The following SYNE1 variants were observed in gnomAD, a reference collection of about 807,000 sequenced individuals.
SYNE1 encodes nesprin-1.
A neutral mutation model predicts 1,111.0 loss-of-function variants in SYNE1; 616 were observed. The ratio of observed to expected loss-of-function variants is 0.55; its 90% CI spans 0.52 to 0.59. The LOEUF (loss-of-function observed/expected upper bound fraction) is 0.59. Among genes scored for constraint, SYNE1 ranks in the 20% least tolerant of loss-of-function variants. SYNE1 has a pLI of 0.00. For synonymous variants in SYNE1, 3,855 were observed against 3,825.8 expected, an observed-to-expected ratio of 1.01 and a Z score of -0.28; for missense variants, 10,006 against 10,417.0, an observed-to-expected ratio of 0.96 and a Z score of 1.72.
chr6:152,335,963 A>G (rs565793640), intron 76 of SYNE1: 5 of 152,140 alleles, frequency 3.3e-5, no homozygotes, highest in African/African-American at 1.2e-4. Context: ...CTGGGATTAC[A>G]GGCATGAGCC....
At chr6:152,277,856 T>C (rs963900734) in intron 98 of SYNE1, 7 of 577,112 alleles carry the variant, frequency 1.2e-5, no homozygotes, top group African/African-American at 1.1e-4. Context: ...GCTTTTTGCC[T>C]CCACCACTCC....
intron 90 of SYNE1, among the ~76,000 whole-genome samples, chr6:152,309,362 C>T (rs2095480074): frequency 6.6e-6 from 1 of 152,056 alleles, no homozygotes; most frequent in Non-Finnish European, 1.5e-5. Flanking sequence ...GTCATTTCTT[C>T]CTGGTAAATG....
chr6:152,624,566 A>G (rs1046486690), intron 3 of SYNE1, among the ~76,000 whole-genome samples: 3 of 152,152 alleles, frequency 2.0e-5, no homozygotes, highest in African/African-American at 7.2e-5. Context: ...TGTACTAATT[A>G]TGTGCATTTA....
At chr6:152,204,365 CAA>C (rs57252682) in intron 126 of SYNE1, among the ~76,000 whole-genome samples, 3,982 of 89,670 alleles carry the variant, frequency 0.044, 168 homozygotes, top group African/African-American at 0.12. Flanking sequence ...GACTCTATGT[CAA>C]AAAAAAAAAA....
In SYNE1 at chr6:152,364,917, T is replaced by C. The variant is rs1168175795; in HGVS notation, c.10075A>G (p.Ile3359Val). 1.2e-6 allele frequency: 2 copies of C among 1,614,118 alleles called. No homozygotes were observed. The highest frequency in any genetic ancestry group is 1.7e-6 in the Non-Finnish European group (2 of 1,180,046). ...QNTSPEGIPTIQQQLQSVKDM... is the reference protein window; with the variant it reads ...QNTSPEGIPTVQQQLQSVKDM... ...TTCACACTCTGCAGCTGCTGCTGAATAGTGGGAATGCCTTCTGGAGAAGTA... is the reference window on the plus strand; with the variant it reads ...TTCACACTCTGCAGCTGCTGCTGAACAGTGGGAATGCCTTCTGGAGAAGTA... Residue 3359 changes from isoleucine to valine, a missense_variant, in exon 63 of 146, where the codon ATT becomes GTT. Physicochemically the swap from Ile to Val is conservative, Grantham distance 29. Coordinates refer to ENST00000367255, the MANE Select transcript of SYNE1 (RefSeq NM_182961.4).
Position 152,236,163 on chromosome 6 carries a change from G to A in SYNE1, c.20340C>T (p.Thr6780=). The A allele has an allele frequency of 6.2e-7, 1 of 1,614,142 alleles. No individual in the cohort carries two copies. The highest frequency in any genetic ancestry group is 8.5e-7 in the Non-Finnish European group (1 of 1,180,012). Residue 6780 remains threonine (T), a synonymous_variant, in exon 110 of 146, where the codon ACC becomes ACT. Transcript: ENST00000367255. The part of the protein sequence containing the change: ...NQLGECWLSN[T]NKMSKELHRL... Reference sequence around the variant, plus strand: ...TGTGAAGTTCCTTAGACATTTTATTGGTGTTACTTAGCCAGCACTCTCCAA... The same window carrying A: ...TGTGAAGTTCCTTAGACATTTTATTAGTGTTACTTAGCCAGCACTCTCCAA...
At chr6:152,462,958 T>C in intron 19 of SYNE1, 68 bp from the exon 20 acceptor site, 2 of 1,554,870 alleles carry the variant, frequency 1.3e-6, no homozygotes, top group African/African-American at 1.4e-5. Context: ...ACCACAACTT[T>C]CACTTTCACA....
chr6:152,403,504 T>A (rs2097851093), intron 46 of SYNE1, among the ~76,000 whole-genome samples: 1 of 152,120 alleles, frequency 6.6e-6, no homozygotes, highest in Non-Finnish European at 1.5e-5. Flanking sequence ...GCAGATTGCA[T>A]GAGCTCAGGA....
At chr6:152,287,021 A>C (rs1379324800) in intron 95 of SYNE1, among the ~76,000 whole-genome samples, 1 of 152,260 alleles carries the variant, frequency 6.6e-6, no homozygotes, top group Non-Finnish European at 1.5e-5. Flanking sequence ...TGATGAGATA[A>C]ACATATTGAG....
chr6:152,470,830 T>C (rs1454524974), intron 16 of SYNE1, among the ~76,000 whole-genome samples: 2 of 152,208 alleles, frequency 1.3e-5, no homozygotes, highest in Non-Finnish European at 2.9e-5. Context: ...CTATTAACAT[T>C]AATTTTATGA....
intron 39 of SYNE1, among the ~76,000 whole-genome samples, chr6:152,423,322 G>C (rs1322717118): frequency 6.6e-6 from 1 of 152,098 alleles, no homozygotes; most frequent in Non-Finnish European, 1.5e-5. Flanking sequence ...CATCCTGAAG[G>C]CTCCTGTGTA....
At chr6:152,289,277 T>C (rs1458071266) in intron 95 of SYNE1, among the ~76,000 whole-genome samples, 1 of 152,220 alleles carries the variant, frequency 6.6e-6, no homozygotes, top group Non-Finnish European at 1.5e-5. Flanking sequence ...GGCATGTGTA[T>C]GACACTTACA....
At chr6:152,407,782 G>A (rs1485446001) in intron 44 of SYNE1, among the ~76,000 whole-genome samples, 1 of 126,396 alleles carries the variant, frequency 7.9e-6, no homozygotes, top group Non-Finnish European at 1.6e-5. Flanking sequence ...TTTTTTTTGA[G>A]ACGGAATCTC....
At chr6:152,581,450 C>T (rs538309510) in intron 3 of SYNE1, among the ~76,000 whole-genome samples, 2 of 152,304 alleles carry the variant, frequency 1.3e-5, no homozygotes, top group South Asian at 4.1e-4. Context: ...GTAGCCACTG[C>T]ATCCTAAAAG....
chr6:152,626,164 A>T (rs763045749), intron 3 of SYNE1, among the ~76,000 whole-genome samples: 7 of 152,192 alleles, frequency 4.6e-5, no homozygotes, highest in Non-Finnish European at 1.0e-4. Flanking sequence ...AATTATCTTA[A>T]TAAAAAGGAC....
At chr6:152,618,225 T>C (rs1014170070) in intron 3 of SYNE1, among the ~76,000 whole-genome samples, 1 of 152,098 alleles carries the variant, frequency 6.6e-6, no homozygotes. Context: ...CAAAATTGGA[T>C]AAAATGAAAA....
chr6:152,545,601 T>C (rs2099308230), intron 3 of SYNE1, among the ~76,000 whole-genome samples: 1 of 152,066 alleles, frequency 6.6e-6, no homozygotes. Flanking sequence ...AATTAATTAA[T>C]ACTAAGAAGA....
intron 5 of SYNE1, among the ~76,000 whole-genome samples, chr6:152,522,604 C>A (rs1279201605): frequency 6.6e-6 from 1 of 152,096 alleles, no homozygotes; most frequent in African/African-American, 2.4e-5. Flanking sequence ...AATGGTAGAT[C>A]TACTTTTAGT....
intron 34 of SYNE1, 29 bp from the exon 35 acceptor site, chr6:152,430,738 T>C (rs765160076): frequency 3.0e-5 from 48 of 1,599,528 alleles, no homozygotes; most frequent in Middle Eastern, 1.7e-4. Flanking sequence ...AAAATGACAA[T>C]GTAGGCTGAG....
Sources: gnomAD v4.1 joint callset for allele counts (sites outside exome capture counted in the v4.1 genomes callset) on GRCh38, gnomAD v4.1.1 for gene constraint, MANE v1.5 for transcripts, NCBI Gene and HGNC (gene_info 2026-07-23, HGNC 2026-07-21) for gene names.